XKR6: variants seen among roughly 807,000 people sequenced by gnomAD.
XKR6 encodes XK-related protein 6.
XKR6 carries 22 observed loss-of-function variants against 56.7 expected under a neutral mutation model. That is an observed-to-expected ratio of 0.39 (90% CI 0.28 to 0.55). XKR6 has a LOEUF of 0.55. Ranked by LOEUF, XKR6 falls within the 20% of genes least tolerant of loss-of-function variation. The probability of loss-of-function intolerance (pLI) is 0.66; values close to 1 mark genes in which losing one functional copy is unlikely to be tolerated. For synonymous variants in XKR6, 524 were observed against 387.8 expected (o/e 1.35, Z -4.13); for missense variants, 852 against 889.0 (o/e 0.96, Z 0.53).
chr8:10,970,523 G>C (rs149059778), intron 1 of XKR6, among the ~76,000 whole-genome samples: 241 of 152,032 alleles, frequency 1.6e-3, no homozygotes, highest in African/African-American at 5.6e-3. Flanking sequence ...AACTGTCACA[G>C]CCCAGAAATG....
At chr8:10,990,724 C>A (rs931463446) in intron 1 of XKR6, among the ~76,000 whole-genome samples, 4 of 151,892 alleles carry the variant, frequency 2.6e-5, no homozygotes, top group African/African-American at 4.8e-5. Context: ...GGACCACAGG[C>A]ATGCACCACC....
chr8:11,162,295 C>T (rs935291635), intron 1 of XKR6, among the ~76,000 whole-genome samples: 3 of 152,128 alleles, frequency 2.0e-5, no homozygotes, highest in African/African-American at 7.2e-5. Context: ...ACAGAGTAAA[C>T]CCAGGAAAAG....
Position 11,031,639 on chromosome 8 carries a change from A to T in XKR6, c.765-106809T>A, listed in dbSNP as rs191487983. Among the ~76,000 whole-genome samples the T allele has an allele frequency of 4.6e-5, 7 of 152,318 alleles. No homozygotes were observed. In the South Asian group the frequency reaches 1.0e-3, roughly 23 times the overall value. ...CTTAGCTGGGCCAGGGAAGGAATGG[A>T]GAGCAAATGGGTTTCATGCAGATTT... On this transcript the variant is annotated intron_variant, in intron 1 of 2. Coordinates refer to ENST00000416569, the MANE Select transcript of XKR6 (RefSeq NM_173683.4).
chr8:11,157,701 G>C lies in XKR6; in HGVS notation c.764+42875C>G, dbSNP rs562828578. Among the ~76,000 whole-genome samples the C allele has an allele frequency of 8.1e-4, 124 of 152,176 alleles. 1 individual carries two copies. Among genetic ancestry groups the C allele is most frequent in the African/African-American group, 2.9e-3 (122 of 41,538 alleles). On this transcript the variant is annotated intron_variant, in intron 1 of 2. Coordinates refer to ENST00000416569, the MANE Select transcript of XKR6 (RefSeq NM_173683.4). ...TAGCTAATTCTTTGGGGTTTTTCTG[G>C]TAGAGATGAAGGTCTCACCATGTTG...
At chr8:11,065,945 T>G (rs572301382) in intron 1 of XKR6, among the ~76,000 whole-genome samples, 236 of 152,226 alleles carry the variant, frequency 1.6e-3, no homozygotes, top group African/African-American at 5.4e-3. Context: ...CCTGGGTAAG[T>G]CACTCTTCAA....
chr8:10,976,759 CTCTCTCTCTCTCTCTCTCTG>C lies in XKR6; in HGVS notation c.765-51949_765-51930del, dbSNP rs1199651024. Among the ~76,000 whole-genome samples the C allele has an allele frequency of 6.4e-3, 968 of 150,898 alleles. 13 individuals carry two copies. The highest frequency in any genetic ancestry group is 0.022 in the African/African-American group (891 of 41,112). ...TCACTAGGCTACCTCGCCTGTCTCT[CTCTCTCTCTCTCTCTCTCTG>C]TCTCTCTCTCTCTCTCAGAGCAGGC... On this transcript the variant is annotated intron_variant, in intron 1 of 2. Transcript: ENST00000416569.
chr8:11,011,947 G>A lies in XKR6; in HGVS notation c.765-87117C>T, dbSNP rs372299857. Among the ~76,000 whole-genome samples, 15 of 152,378 alleles carry A rather than the reference G, an allele frequency of 9.8e-5. No homozygotes were observed. In the East Asian group the frequency reaches 1.7e-3, roughly 18 times the overall value. On this transcript the variant is annotated intron_variant, in intron 1 of 2. Transcript: ENST00000416569. ...GCTGGAAGCCACAAGCTTGGAGATG[G>A]TGCAGGAGGTGGCAGGGAACAAATG... is the stretch of plus-strand genomic sequence containing the variant.
intron 1 of XKR6, chr8:11,107,755 TGCTG>T (rs2129178278): frequency 6.5e-6 from 1 of 154,354 alleles, no homozygotes; most frequent in South Asian, 2.0e-4. Flanking sequence ...GCTCCTCTCC[TGCTG>T]CTAGGTTCAT....
intron 1 of XKR6, among the ~76,000 whole-genome samples, chr8:11,063,898 T>C (rs939883313): frequency 2.0e-5 from 3 of 152,210 alleles, no homozygotes; most frequent in South Asian, 2.1e-4. Flanking sequence ...AATGCATCTC[T>C]TTCTCTTTGA....
intron 1 of XKR6, among the ~76,000 whole-genome samples, chr8:11,128,218 C>T (rs748378289): frequency 1.3e-5 from 2 of 152,216 alleles, no homozygotes; most frequent in African/African-American, 4.8e-5. Context: ...CCTTACCCCA[C>T]TGGCCAGACC....
chr8:11,104,140 T>A (rs955996013), intron 1 of XKR6, among the ~76,000 whole-genome samples: 1 of 152,154 alleles, frequency 6.6e-6, no homozygotes, highest in Admixed American at 6.5e-5. Context: ...TAAGAAAACG[T>A]CTCTAAGGGA....
chr8:11,173,818 G>T (rs1802508189), intron 1 of XKR6, among the ~76,000 whole-genome samples: 1 of 152,156 alleles, frequency 6.6e-6, no homozygotes. Context: ...GTGACTGCCA[G>T]TATGTACCCA....
chr8:10,949,798 G>A (rs529767094), intron 1 of XKR6, among the ~76,000 whole-genome samples: 29 of 152,294 alleles, frequency 1.9e-4, no homozygotes, highest in African/African-American at 6.7e-4. Flanking sequence ...CCCAAGTTGG[G>A]TGGGGGAGGG....
At chr8:10,935,163 C>G (rs2129121544) in intron 1 of XKR6, among the ~76,000 whole-genome samples, 1 of 89,204 alleles carries the variant, frequency 1.1e-5, no homozygotes. Flanking sequence ...TCCATTTCTT[C>G]TAGATTTTCT....
At chr8:10,932,051 CAA>C (rs1300434082) in intron 1 of XKR6, among the ~76,000 whole-genome samples, 1 of 151,846 alleles carries the variant, frequency 6.6e-6, no homozygotes, top group Non-Finnish European at 1.5e-5. Flanking sequence ...GATATTTTAC[CAA>C]AGAGGATACA....
At chr8:11,172,550 G>T (rs1010872639) in intron 1 of XKR6, among the ~76,000 whole-genome samples, 1 of 152,104 alleles carries the variant, frequency 6.6e-6, no homozygotes. Context: ...GAAGTCACTG[G>T]ATTATCATAA....
intron 1 of XKR6, among the ~76,000 whole-genome samples, chr8:11,041,972 AGT>A (rs796858928): frequency 8.5e-5 from 13 of 152,356 alleles, no homozygotes; most frequent in African/African-American, 3.1e-4. Flanking sequence ...TATATATATA[AGT>A]GTGTGTATAA....
intron 1 of XKR6, among the ~76,000 whole-genome samples, chr8:11,033,749 G>C (rs1208268538): frequency 2.0e-5 from 3 of 152,130 alleles, no homozygotes; most frequent in Non-Finnish European, 4.4e-5. Flanking sequence ...GAAAGCCTCT[G>C]GGTGTGTGTG....
intron 1 of XKR6, among the ~76,000 whole-genome samples, chr8:11,092,238 A>G (rs1179763968): frequency 6.6e-6 from 1 of 152,256 alleles, no homozygotes; most frequent in Non-Finnish European, 1.5e-5. Flanking sequence ...ACTCAAGAGT[A>G]AGAAATGTAT....
Sources: allele counts gnomAD v4.1 joint callset (sites outside exome capture counted in the v4.1 genomes callset), GRCh38; gene constraint gnomAD v4.1.1; transcripts MANE v1.5; gene names NCBI Gene and HGNC (gene_info 2026-07-23, HGNC 2026-07-21).